The following CCDC73 variants were observed in gnomAD, a reference collection of about 807,000 sequenced individuals.
CCDC73 encodes coiled-coil domain containing 73.
A neutral mutation model predicts 116.5 loss-of-function variants in CCDC73; 95 were observed. The observed-to-expected ratio is 0.82, with a 90% CI of 0.69 to 0.97. The LOEUF (loss-of-function observed/expected upper bound fraction) is 0.97. CCDC73 is among the 50% of genes least tolerant of loss of function. The pLI is 0.00. For missense variants in CCDC73, 1,066 were observed against 1,206.8 expected (o/e 0.88, Z 1.73); for synonymous variants, 398 against 401.3 (o/e 0.99, Z 0.10).
the CCDC73 span, among the ~76,000 whole-genome samples, chr11:32,813,819 A>C: frequency 1.3e-5 from 2 of 152,214 alleles, no homozygotes; most frequent in Non-Finnish European, 2.9e-5. Context: ...TCATGTGATT[A>C]TCTGGTAGAG....
chr11:32,765,831 A>G (rs1176724149), intron 1 of CCDC73, among the ~76,000 whole-genome samples: 4 of 152,214 alleles, frequency 2.6e-5, no homozygotes. Flanking sequence ...TACCAAACAA[A>G]AAAACTCCAG....
chr11:32,825,934 C>T, the CCDC73 span, among the ~76,000 whole-genome samples: 25 of 152,246 alleles, frequency 1.6e-4, no homozygotes, highest in African/African-American at 5.5e-4. Context: ...AGCTCCGGTG[C>T]GCTCTAAGAG....
intron 3 of CCDC73, among the ~76,000 whole-genome samples, chr11:32,707,591 G>A (rs1301420651): frequency 6.6e-6 from 1 of 151,952 alleles, no homozygotes; most frequent in Non-Finnish European, 1.5e-5. Context: ...AAGTTTTTTC[G>A]ACGTTCTAAA....
chr11:32,799,748 T>C, the CCDC73 span, among the ~76,000 whole-genome samples: 1 of 152,182 alleles, frequency 6.6e-6, no homozygotes, highest in African/African-American at 2.4e-5. Context: ...GCACAGTGAC[T>C]CCCTAGGAGA....
intron 14 of CCDC73, among the ~76,000 whole-genome samples, chr11:32,631,643 AAAGGAAAGG>A (rs984950420): frequency 1.3e-4 from 19 of 151,794 alleles, no homozygotes; most frequent in African/African-American, 2.2e-4. Context: ...AAAGGAAAGG[AAAGGAAAGG>A]AAGGAAAGGA....
chr11:32,610,911 C>CT (rs1473420371), intron 17 of CCDC73, among the ~76,000 whole-genome samples: 4 of 152,196 alleles, frequency 2.6e-5, no homozygotes, highest in African/African-American at 7.2e-5. Context: ...TCACACTCTC[C>CT]TTCCCCAAAC....
At position 32,760,114 on chromosome 11, in the gene CCDC73, T is replaced by G; in HGVS notation, c.130A>C (p.Arg44=). The stretch of plus-strand genomic sequence containing the variant: ...CATTTTAAAAAGGAGCTTACCCTTC[T>G]CATACGCAATTCTTCTAATGCCTCC... ...LLEALEELRM[R]REAEIHYEEQ... is the part of the protein sequence containing the mutation. The change falls in exon 2 of 18, where the codon AGA becomes CGA. Residue 44 remains arginine, a synonymous_variant. Transcript: ENST00000335185. 6.3e-7 allele frequency: 1 copy of G among 1,598,668 alleles called. No homozygotes were observed. The highest frequency in any genetic ancestry group is 8.5e-7 in the Non-Finnish European group (1 of 1,174,440).
chr11:32,632,226 T>C (rs1393182555), intron 14 of CCDC73, among the ~76,000 whole-genome samples: 1 of 152,020 alleles, frequency 6.6e-6, no homozygotes, highest in East Asian at 1.9e-4. Context: ...AGGTTTATTT[T>C]TGTTGTTTGT....
At chr11:32,759,695 ATT>A (rs1404518125) in intron 2 of CCDC73, among the ~76,000 whole-genome samples, 1 of 152,146 alleles carries the variant, frequency 6.6e-6, no homozygotes, top group African/African-American at 2.4e-5. Context: ...ACATACATTT[ATT>A]TTGTCACTTA....
At chr11:32,616,274 T>A in intron 14 of CCDC73, 145 bp from the exon 15 acceptor site, 2 of 779,326 alleles carry the variant, frequency 2.6e-6, no homozygotes, top group South Asian at 2.0e-5. Context: ...TTAGTAAGTT[T>A]AATATACCAT....
chr11:32,756,606 C>T (rs1165879642), intron 2 of CCDC73, among the ~76,000 whole-genome samples: 1 of 150,876 alleles, frequency 6.6e-6, no homozygotes, highest in East Asian at 1.9e-4. Flanking sequence ...TTAGTCATTA[C>T]CCTTAAAATT....
chr11:32,663,206 C>A (rs1025014174), intron 9 of CCDC73, among the ~76,000 whole-genome samples: 1 of 152,104 alleles, frequency 6.6e-6, no homozygotes, highest in South Asian at 2.1e-4. Context: ...TAGTTTTTTC[C>A]AATTCTGTGA....
intron 2 of CCDC73, among the ~76,000 whole-genome samples, chr11:32,743,058 G>T (rs1850203130): frequency 1.3e-5 from 2 of 152,150 alleles, no homozygotes; most frequent in South Asian, 4.1e-4. Flanking sequence ...GGTTACTGTA[G>T]CCTTGTAGTA....
At chr11:32,706,562 G>C (rs1849857885) in intron 3 of CCDC73, among the ~76,000 whole-genome samples, 1 of 152,134 alleles carries the variant, frequency 6.6e-6, no homozygotes, top group Admixed American at 6.6e-5. Context: ...GTCTAGCTAA[G>C]AAAATAAAGG....
the CCDC73 span, among the ~76,000 whole-genome samples, chr11:32,801,581 TG>T: frequency 4.0e-5 from 6 of 150,180 alleles, no homozygotes; most frequent in African/African-American, 1.5e-4. Context: ...GCAGAGGTTG[TG>T]GTGAGCGGCA....
intron 3 of CCDC73, among the ~76,000 whole-genome samples, chr11:32,717,007 T>C (rs1355598128): frequency 6.6e-6 from 1 of 152,124 alleles, no homozygotes; most frequent in Non-Finnish European, 1.5e-5. Context: ...TCCCTCCATA[T>C]TCTTTCCCTC....
chr11:32,615,138 G>A (rs1855462831), intron 15 of CCDC73, among the ~76,000 whole-genome samples, 196 bp from the exon 16 acceptor site: 1 of 151,936 alleles, frequency 6.6e-6, no homozygotes, highest in Non-Finnish European at 1.5e-5. Flanking sequence ...TCTTTAGCAT[G>A]CTAAATATTT....
intron 9 of CCDC73, among the ~76,000 whole-genome samples, chr11:32,667,876 G>A (rs751234537): frequency 1.3e-5 from 2 of 152,304 alleles, no homozygotes; most frequent in Middle Eastern, 3.4e-3. Context: ...AAAAACTTAT[G>A]TGAATGAATT....
intron 12 of CCDC73, among the ~76,000 whole-genome samples, chr11:32,647,080 T>C (rs1462309913): frequency 1.3e-5 from 2 of 152,210 alleles, no homozygotes; most frequent in African/African-American, 2.4e-5. Flanking sequence ...GTTTTTCATA[T>C]TGGAGGCTGT....
Sources: gnomAD v4.1 joint callset for allele counts (sites outside exome capture counted in the v4.1 genomes callset) on GRCh38, gnomAD v4.1.1 for gene constraint, MANE v1.5 for transcripts, NCBI Gene and HGNC (gene_info 2026-07-23, HGNC 2026-07-21) for gene names.